ABHD12: variants seen among roughly 807,000 people sequenced by gnomAD.
ABHD12 encodes abhydrolase domain containing 12, lysophospholipase.
In ABHD12, 43 loss-of-function variants were observed where a neutral mutation model predicts 58.3. The observed-to-expected ratio is 0.74, with a 90% confidence interval of 0.58 to 0.95. The LOEUF is 0.95. Among genes scored for constraint, ABHD12 ranks in the 40% least tolerant of loss-of-function variants. The pLI, the probability that ABHD12 is intolerant of heterozygous loss-of-function variation, is 0.00. For missense variants in ABHD12, 539 were observed against 537.2 expected, an observed-to-expected ratio of 1.00 and a Z score of -0.03; for synonymous variants, 219 against 211.2, an observed-to-expected ratio of 1.04 and a Z score of -0.32.
Position 25,300,675 on chromosome 20 carries a change from G to A in ABHD12, c.*170C>T. 3 of 1,523,930 alleles carry A rather than the reference G, an allele frequency of 2.0e-6. No homozygotes were observed. Among genetic ancestry groups the A allele is most frequent in the South Asian group, 1.2e-5 (1 of 81,796 alleles). The allele number at this position is 1,523,930 out of a possible 1,614,324, so 94.4% of individuals were successfully genotyped here. A position where few individuals can be genotyped will look rare whatever the true frequency, so the allele number is the denominator to read the frequency against. Reference sequence around the variant, plus strand: ...AGCCATGCTCAGGCCTCCGGGCACTGCAGGCCTGCAGGGGCCTCCCCGCCT... The same window carrying A: ...AGCCATGCTCAGGCCTCCGGGCACTACAGGCCTGCAGGGGCCTCCCCGCCT... On this transcript the variant is annotated 3_prime_UTR_variant, in exon 13 of 13. Coordinates refer to ENST00000339157, the MANE Select transcript of ABHD12 (RefSeq NM_001042472.3).
At chr20:25,364,346 C>A (rs2089791567) in intron 1 of ABHD12, among the ~76,000 whole-genome samples, 1 of 152,168 alleles carries the variant, frequency 6.6e-6, no homozygotes, top group Non-Finnish European at 1.5e-5. Flanking sequence ...CACAGTTCTG[C>A]AGGCTAGACA....
chr20:25,339,835 C>T, intron 1 of ABHD12: 3 of 1,114,732 alleles, frequency 2.7e-6, no homozygotes, highest in Non-Finnish European at 3.5e-6. Flanking sequence ...CTGACCAGGT[C>T]CTCAGAGAGC....
At chr20:25,296,607 CACTGGT>C, downstream of ABHD12, 1 of 1,494,530 alleles carries the variant, frequency 6.7e-7, no homozygotes, top group Non-Finnish European at 9.0e-7. Flanking sequence ...CTTTGCCAGC[CACTGGT>C]GGTCCCTGCT....
rs151010420 is a variant in ABHD12 at position 25,330,718 on chromosome 20, C to A, written c.317-7288G>T. On this transcript the variant is annotated intron_variant, in intron 2 of 12. Transcript: ENST00000339157. ...AGCAAGGGCAGACTGACACCTCACA[C>A]GGCTGGGTACTCCAACAGACCTGCA... 6.0e-3 allele frequency among the ~76,000 whole-genome samples: 921 copies of A among 152,308 alleles called. 2 individuals are homozygous for A. The highest frequency in any genetic ancestry group is 9.4e-3 in the Non-Finnish European group (641 of 68,040).
intron 1 of ABHD12, among the ~76,000 whole-genome samples, chr20:25,346,697 T>G (rs1339396781): frequency 6.6e-6 from 1 of 152,168 alleles, no homozygotes; most frequent in East Asian, 1.9e-4. Context: ...CAGGCTAGAG[T>G]GCAGTGGCGT....
intron 10 of ABHD12, among the ~76,000 whole-genome samples, chr20:25,304,940 G>A (rs1385282513): frequency 1.3e-5 from 2 of 151,500 alleles, no homozygotes; most frequent in African/African-American, 4.9e-5. Context: ...TGCCCAGGCT[G>A]GAGTGCAATG....
intron 2 of ABHD12, among the ~76,000 whole-genome samples, chr20:25,326,503 G>C (rs2089179718): frequency 6.6e-6 from 1 of 152,184 alleles, no homozygotes; most frequent in Non-Finnish European, 1.5e-5. Context: ...TTTGAGGATA[G>C]AAACCCATGG....
rs563783555 is a variant in ABHD12, at chr20:25,336,752, C to T, written c.316+2475G>A. 6.6e-5 allele frequency among the ~76,000 whole-genome samples: 10 copies of T among 152,340 alleles called. No homozygotes were observed. In the East Asian group the frequency reaches 1.5e-3, roughly 24 times the overall value. On this transcript the variant is annotated intron_variant, in intron 2 of 12. Transcript: ENST00000339157. Reference sequence around the variant, plus strand: ...CCAAAGGGGGAGACAGAGAACCACACTTGGAAGGGCCTCATGTGCTGATAA... The same window carrying T: ...CCAAAGGGGGAGACAGAGAACCACATTTGGAAGGGCCTCATGTGCTGATAA...
rs558561320 is a variant in ABHD12 at position 25,372,480 on chromosome 20, C to T, written c.191+18033G>A. 9.2e-5 allele frequency among the ~76,000 whole-genome samples: 14 copies of T among 152,254 alleles called. No homozygotes were observed. The South Asian group carries it at 1.7e-3, about 18-fold the overall frequency. ...TTGGCCTCCCAAAGTGTTTGGATTA[C>T]AGGCGTGAGCCACCACACCTGGCCC... On this transcript the variant is annotated intron_variant, in intron 1 of 12. Coordinates refer to ENST00000339157, the MANE Select transcript of ABHD12 (RefSeq NM_001042472.3).
intron 12 of ABHD12, among the ~76,000 whole-genome samples, chr20:25,301,919 CTG>C (rs2088641970): frequency 6.6e-6 from 1 of 152,248 alleles, no homozygotes; most frequent in African/African-American, 2.4e-5. Flanking sequence ...GCTGGGGTGT[CTG>C]TGTCTGAGTG....
chr20:25,382,939 A>AG (rs141562833), intron 1 of ABHD12, among the ~76,000 whole-genome samples: 335 of 147,784 alleles, frequency 2.3e-3, no homozygotes, highest in African/African-American at 6.2e-3. Context: ...GTACCAGTTG[A>AG]GGGGGGGGGC....
intron 1 of ABHD12, among the ~76,000 whole-genome samples, chr20:25,384,314 CA>C (rs10717416): frequency 0.57 from 84,883 of 149,068 alleles, 24,872 homozygotes; most frequent in African/African-American, 0.63. Context: ...AATTTAAAAA[CA>C]AAAAAAACTG....
At chr20:25,367,442 T>C (rs1217510678) in intron 1 of ABHD12, among the ~76,000 whole-genome samples, 1 of 152,224 alleles carries the variant, frequency 6.6e-6, no homozygotes, top group Non-Finnish European at 1.5e-5. Context: ...ATCATAACCA[T>C]TTTCACGTGT....
In ABHD12 at chr20:25,295,155, G is replaced by A. The variant is rs555483778; in HGVS notation, c.1158-125C>T. 684 of 964,622 alleles carry A rather than the reference G, an allele frequency of 7.1e-4. 4 individuals carry two copies. The highest frequency in any genetic ancestry group is 3.4e-3 in the South Asian group (258 of 75,432). 59.8% of individuals were successfully genotyped at this position (964,622 alleles called of 1,614,324 possible). A position where few individuals can be genotyped will look rare whatever the true frequency, so the allele number is the denominator to read the frequency against. ...TCTGGCATTTTTGTTCAGCACATCA[G>A]GAACTGCAAGTCAGTATTTCCTGTG... On this transcript the variant is annotated intron_variant, in intron 12 of 12. Coordinates refer to the ABHD12 transcript ENST00000376542.
rs1295957552 is a variant in ABHD12, at chr20:25,386,482, G to A, written c.191+4031C>T. 3.3e-5 allele frequency among the ~76,000 whole-genome samples: 5 copies of A among 151,750 alleles called. No homozygotes were observed. The South Asian group carries it at 1.0e-3, about 31-fold the overall frequency. ...TTCACCCGTCAGCCAGGATGGTCTC[G>A]ATCTCCTGACCTCGTGATCAGCCTG... On this transcript the variant is annotated intron_variant, in intron 1 of 12. Transcript: ENST00000339157.
At chr20:25,320,163 G>A (rs753723557) in intron 4 of ABHD12, 36 bp downstream of exon 4, 11 of 1,612,192 alleles carry the variant, frequency 6.8e-6, no homozygotes, top group South Asian at 1.1e-5. Context: ...AAGGAGCCAT[G>A]CTCCACAGCA....
intron 1 of ABHD12, 93 bp from the exon 2 acceptor site, chr20:25,339,444 C>G (rs2089425337): frequency 1.3e-6 from 2 of 1,585,718 alleles, no homozygotes; most frequent in Admixed American, 1.7e-5. Flanking sequence ...TAAACAAGAG[C>G]CACACATATT....
chr20:25,387,589 T>C (rs576388607), intron 1 of ABHD12, among the ~76,000 whole-genome samples: 5 of 85,222 alleles, frequency 5.9e-5, no homozygotes, highest in Non-Finnish European at 1.1e-4. Flanking sequence ...TTCATCTCTA[T>C]TAAAAAAAAA....
At chr20:25,328,448 C>T (rs186092332) in intron 2 of ABHD12, among the ~76,000 whole-genome samples, 99 of 152,348 alleles carry the variant, frequency 6.5e-4, no homozygotes, top group Non-Finnish European at 1.2e-3. Flanking sequence ...GCCTCTGACG[C>T]TGGAACCAGC....
Sources: allele counts gnomAD v4.1 joint callset (sites outside exome capture counted in the v4.1 genomes callset), GRCh38; gene constraint gnomAD v4.1.1; transcripts MANE v1.5; gene names NCBI Gene and HGNC (gene_info 2026-07-23, HGNC 2026-07-21).